The following SESN3 variants were observed in gnomAD, a reference collection of about 807,000 sequenced individuals.
SESN3 encodes sestrin-3.
Under a neutral mutation model 55.3 loss-of-function variants are expected in SESN3, and 21 were observed. The ratio of observed to expected loss-of-function variants is 0.38; its 90% confidence interval spans 0.27 to 0.55. SESN3 has a LOEUF of 0.55. SESN3 is among the 20% of genes least tolerant of loss of function. The pLI is 0.76. For missense variants in SESN3, 408 were observed against 604.3 expected (o/e 0.68, Z 3.41); for synonymous variants, 181 against 203.1 (o/e 0.89, Z 0.93).
At chr11:95,193,983 G>A (rs756136204) in intron 1 of SESN3, among the ~76,000 whole-genome samples, 2 of 152,044 alleles carry the variant, frequency 1.3e-5, no homozygotes, top group Non-Finnish European at 2.9e-5. Context: ...TATCTAATAT[G>A]AAGTTTTGAA....
chr11:95,222,736 G>C (rs1340262329), intron 1 of SESN3, among the ~76,000 whole-genome samples: 1 of 152,180 alleles, frequency 6.6e-6, no homozygotes. Flanking sequence ...GGAAGAGTTG[G>C]AAGATTAGAA....
chr11:95,214,146 C>T (rs1860709302), intron 1 of SESN3, among the ~76,000 whole-genome samples: 1 of 152,146 alleles, frequency 6.6e-6, no homozygotes. Flanking sequence ...GCCCTTTCCT[C>T]ACAGAAGGAT....
chr11:95,204,517 C>T (rs1191215494), intron 1 of SESN3, among the ~76,000 whole-genome samples: 4 of 151,902 alleles, frequency 2.6e-5, no homozygotes, highest in Non-Finnish European at 1.5e-5. Context: ...AAATCCTAAC[C>T]CCCAATGTGA....
chr11:95,225,007 A>C (rs973770578), intron 1 of SESN3, among the ~76,000 whole-genome samples: 1 of 152,238 alleles, frequency 6.6e-6, no homozygotes, highest in Non-Finnish European at 1.5e-5. Flanking sequence ...GGTATTAAAA[A>C]GATGCACACA....
intron 1 of SESN3, among the ~76,000 whole-genome samples, chr11:95,218,427 T>C (rs1860799733): frequency 6.6e-6 from 1 of 152,230 alleles, no homozygotes; most frequent in Non-Finnish European, 1.5e-5. Flanking sequence ...TGAGAGCACT[T>C]AATGTTTCCA....
intron 1 of SESN3, among the ~76,000 whole-genome samples, chr11:95,207,471 A>C (rs1860571434): frequency 6.6e-6 from 1 of 151,582 alleles, no homozygotes; most frequent in South Asian, 2.1e-4. Flanking sequence ...AAAAAATGAG[A>C]GACATTCCGT....
intron 1 of SESN3, among the ~76,000 whole-genome samples, chr11:95,213,700 C>T (rs985909144): frequency 6.6e-6 from 1 of 152,048 alleles, no homozygotes; most frequent in Admixed American, 6.5e-5. Context: ...TGAGATAGCT[C>T]TGTTTAAATG....
rs546409780 is a variant in SESN3 at position 95,228,334 on chromosome 11, G to C, written c.78+2449C>G. ...GTGACCCTTCTTCCATCATTATATAGAAATATAAAAGCAAAAGTAATTCAC... is the reference window on the plus strand; with the variant it reads ...GTGACCCTTCTTCCATCATTATATACAAATATAAAAGCAAAAGTAATTCAC... On this transcript the variant is annotated intron_variant, in intron 1 of 9. Transcript: ENST00000536441. 5.1e-4 allele frequency among the ~76,000 whole-genome samples: 77 copies of C among 152,086 alleles called. 2 individuals are homozygous for C. Among genetic ancestry groups the C allele is most frequent in the Admixed American group, 3.3e-4 (5 of 15,270 alleles).
intron 6 of SESN3, among the ~76,000 whole-genome samples, chr11:95,182,895 C>T (rs1418078715): frequency 3.3e-5 from 5 of 152,030 alleles, no homozygotes; most frequent in Non-Finnish European, 7.4e-5. Context: ...TCCTCCTGTG[C>T]CCCTCAGTCA....
chr11:95,169,566 C>A lies in SESN3; in HGVS notation c.*3689G>T, dbSNP rs756278111. 2.0e-5 allele frequency: 3 copies of A among 152,038 alleles called. No homozygotes were observed. Among genetic ancestry groups the A allele is most frequent in the Non-Finnish European group, 4.4e-5 (3 of 67,982 alleles). 9.4% of individuals were successfully genotyped at this position (152,038 alleles called of 1,614,324 possible). ...GTCTTTAAAATACAACCTAAAACAC[C>A]TTATTTTGCTAACACAGTGCAAATC... On this transcript the variant is annotated 3_prime_UTR_variant, in exon 10 of 10. Coordinates refer to ENST00000536441, the MANE Select transcript of SESN3 (RefSeq NM_144665.4).
chr11:95,194,557 A>G (rs1860326379), intron 1 of SESN3, among the ~76,000 whole-genome samples: 1 of 152,122 alleles, frequency 6.6e-6, no homozygotes, highest in Non-Finnish European at 1.5e-5. Flanking sequence ...ATTGAAATAA[A>G]TATATTAAAC....
chr11:95,170,502 C>T lies in SESN3; in HGVS notation c.*2753G>A, dbSNP rs961772085. Reference sequence around the variant, plus strand: ...TGTAGATCAGCATATTGCATAATCACGTCATTATACCAATTGAACCAGATA... The same window carrying T: ...TGTAGATCAGCATATTGCATAATCATGTCATTATACCAATTGAACCAGATA... On this transcript the variant is annotated 3_prime_UTR_variant, in exon 10 of 10. Transcript: ENST00000536441. 8.0e-5 allele frequency: 11 copies of T among 137,906 alleles called. No individual in the cohort carries two copies. The highest frequency in any genetic ancestry group is 3.0e-4 in the African/African-American group (11 of 36,966). The allele number at this position is 137,906 out of a possible 1,614,324, so 8.5% of individuals were successfully genotyped here.
chr11:95,221,795 T>C (rs1320932767), intron 1 of SESN3, among the ~76,000 whole-genome samples: 1 of 152,220 alleles, frequency 6.6e-6, no homozygotes, highest in Non-Finnish European at 1.5e-5. Flanking sequence ...AAATATCTCA[T>C]AATATTCATG....
chr11:95,216,277 C>T (rs1860755475), intron 1 of SESN3, among the ~76,000 whole-genome samples: 2 of 151,898 alleles, frequency 1.3e-5, no homozygotes, highest in African/African-American at 4.8e-5. Context: ...AAGAAATGGC[C>T]TTTTATAGTA....
At position 95,178,006 on chromosome 11, in the gene SESN3, A is replaced by G. The variant is rs534207010; in HGVS notation, c.1057-97T>C. The stretch of plus-strand genomic sequence containing the variant: ...ACTAATGAAGCAAGTAAGCGAGGCT[A>G]TTTCTAATTTAGCTCTAGGTTTTCA... On this transcript the variant is annotated intron_variant, in intron 7 of 9. Coordinates refer to ENST00000536441, the MANE Select transcript of SESN3 (RefSeq NM_144665.4). The G allele has an allele frequency of 1.5e-4, 125 of 834,304 alleles. 1 individual carries two copies. In the South Asian group the frequency reaches 2.1e-3, roughly 14 times the overall value. 51.7% of individuals were successfully genotyped at this position (834,304 alleles called of 1,614,324 possible).
At chr11:95,206,866 G>C (rs2134250514) in intron 1 of SESN3, among the ~76,000 whole-genome samples, 1 of 151,970 alleles carries the variant, frequency 6.6e-6, no homozygotes, top group Admixed American at 6.5e-5. Context: ...CATGATCTCA[G>C]CTCACTGTAA....
intron 6 of SESN3, among the ~76,000 whole-genome samples, chr11:95,180,875 T>C (rs1186297749): frequency 6.6e-6 from 1 of 152,146 alleles, no homozygotes; most frequent in African/African-American, 2.4e-5. Flanking sequence ...ACTTTTAAAA[T>C]GGCATTTTCA....
rs564124445 is a variant in SESN3 at position 95,170,251 on chromosome 11, G to A, written c.*3004C>T. The A allele has an allele frequency of 8.5e-5, 13 of 152,232 alleles. No individual in the cohort carries two copies. Among genetic ancestry groups the A allele is most frequent in the African/African-American group, 3.1e-4 (13 of 41,532 alleles). 9.4% of individuals were successfully genotyped at this position (152,232 alleles called of 1,614,324 possible). ...TTAAAGAACAGATTATTTTCAGGTG[G>A]GAGAGTATCTCAATATTTCTTAAGG... is the stretch of plus-strand genomic sequence containing the variant. On this transcript the variant is annotated 3_prime_UTR_variant, in exon 10 of 10. Coordinates refer to ENST00000536441, the MANE Select transcript of SESN3 (RefSeq NM_144665.4).
intron 1 of SESN3, among the ~76,000 whole-genome samples, chr11:95,226,478 A>G (rs80356321): frequency 0.031 from 4,709 of 152,296 alleles, 96 homozygotes; most frequent in Admixed American, 0.054. Context: ...TAAATCTTCT[A>G]TTGAACCTGA....
Sources: gnomAD v4.1 joint callset for allele counts (sites outside exome capture counted in the v4.1 genomes callset) on GRCh38, gnomAD v4.1.1 for gene constraint, MANE v1.5 for transcripts, NCBI Gene and HGNC (gene_info 2026-07-23, HGNC 2026-07-21) for gene names.